Variants in DLGAP2 observed in about 807,000 individuals in gnomAD.
DLGAP2 encodes the protein DLG associated protein 2.
Under a neutral mutation model 100.3 loss-of-function variants are expected in DLGAP2, and 26 were observed. The observed-to-expected ratio is 0.26, with a 90% CI of 0.19 to 0.36. DLGAP2 has a LOEUF of 0.36. DLGAP2 is among the 10% of genes least tolerant of loss of function. DLGAP2 has a pLI of 1.00. For synonymous variants in DLGAP2, 886 were observed against 630.1 expected (o/e 1.41, Z -6.08); for missense variants, 1,858 against 1,453.2 (o/e 1.28, Z -4.53).
At chr8:1,007,241 C>T (rs917098296) in intron 2 of DLGAP2, among the ~76,000 whole-genome samples, 1 of 152,220 alleles carries the variant, frequency 6.6e-6, no homozygotes, top group African/African-American at 2.4e-5. Context: ...CAGTCCCACA[C>T]TCTTCACGTG....
At chr8:1,197,349 A>C (rs1453331100) in intron 2 of DLGAP2, among the ~76,000 whole-genome samples, 3 of 152,252 alleles carry the variant, frequency 2.0e-5, no homozygotes, top group African/African-American at 7.2e-5. Flanking sequence ...TCTTCTGCTC[A>C]GTACCTGAGC....
At chr8:1,547,276 C>T (rs1033071176) in intron 4 of DLGAP2, among the ~76,000 whole-genome samples, 5 of 152,142 alleles carry the variant, frequency 3.3e-5, no homozygotes, top group African/African-American at 9.7e-5. Context: ...AGGAAGGCAG[C>T]TGTGCCCGCA....
chr8:1,216,379 C>A lies in DLGAP2; in HGVS notation c.74-42472C>A, dbSNP rs182867687. On this transcript the variant is annotated intron_variant, in intron 2 of 14. Coordinates refer to ENST00000637795, the MANE Select transcript of DLGAP2 (RefSeq NM_001346810.2). ...TGTTTTTTTGTAAGGGGCAGGGTCT[C>A]ACTCTGTTGCCCAGGCTGGAGTGCA... 7.2e-5 allele frequency among the ~76,000 whole-genome samples: 11 copies of A among 152,202 alleles called. No homozygotes were observed. The East Asian group carries it at 1.7e-3, about 24-fold the overall frequency.
chr8:1,383,886 T>C (rs1398025478), intron 3 of DLGAP2, among the ~76,000 whole-genome samples: 1 of 152,160 alleles, frequency 6.6e-6, no homozygotes, highest in African/African-American at 2.4e-5. Flanking sequence ...GGCAGATGTC[T>C]TTGGCGGTGG....
intron 3 of DLGAP2, among the ~76,000 whole-genome samples, chr8:1,383,653 GC>G (rs1796145320): frequency 1.3e-5 from 2 of 152,316 alleles, no homozygotes; most frequent in South Asian, 2.1e-4. Context: ...AGTGGCTGGG[GC>G]TGGGACAGGT....
At chr8:1,429,518 A>T (rs375439268) in intron 3 of DLGAP2, among the ~76,000 whole-genome samples, 1 of 152,194 alleles carries the variant, frequency 6.6e-6, no homozygotes, top group Non-Finnish European at 1.5e-5. Context: ...ATGGTGTGTA[A>T]GCTGAAGATG....
At chr8:1,157,596 C>T (rs546472799) in intron 2 of DLGAP2, among the ~76,000 whole-genome samples, 49 of 152,202 alleles carry the variant, frequency 3.2e-4, no homozygotes, top group East Asian at 1.7e-3. Context: ...CCAACGGTGG[C>T]GCTGTGTTTG....
At chr8:770,669 C>T (rs1027971032) in intron 1 of DLGAP2, among the ~76,000 whole-genome samples, 1 of 152,112 alleles carries the variant, frequency 6.6e-6, no homozygotes, top group South Asian at 2.1e-4. Flanking sequence ...TCGTGCTGAC[C>T]TCCTGCTTCT....
intron 8 of DLGAP2, among the ~76,000 whole-genome samples, chr8:1,636,501 G>A (rs13261043): frequency 0.36 from 54,656 of 152,090 alleles, 13,078 homozygotes; most frequent in African/African-American, 0.69. Flanking sequence ...TAGAATAACT[G>A]TTTTTCAATA....
At chr8:1,173,887 C>T (rs1396311858) in intron 2 of DLGAP2, among the ~76,000 whole-genome samples, 2 of 152,246 alleles carry the variant, frequency 1.3e-5, no homozygotes, top group Non-Finnish European at 1.5e-5. Context: ...CACGCACCCA[C>T]TGACCTGCGC....
intron 3 of DLGAP2, among the ~76,000 whole-genome samples, chr8:1,367,849 G>C (rs1256239806): frequency 6.6e-6 from 1 of 152,142 alleles, no homozygotes; most frequent in Non-Finnish European, 1.5e-5. Flanking sequence ...CCTTTATCTA[G>C]ACATAAATCA....
intron 1 of DLGAP2, among the ~76,000 whole-genome samples, chr8:763,415 T>C (rs1163704821): frequency 5.3e-5 from 8 of 152,232 alleles, no homozygotes; most frequent in African/African-American, 1.7e-4. Flanking sequence ...GGAGCTTCAC[T>C]GTTGCTGCCG....
intron 6 of DLGAP2, among the ~76,000 whole-genome samples, chr8:1,577,964 A>C (rs1315490010): frequency 1.3e-5 from 2 of 152,236 alleles, no homozygotes; most frequent in African/African-American, 2.4e-5. Flanking sequence ...CATTAATGTA[A>C]TCTGATAACG....
intron 6 of DLGAP2, among the ~76,000 whole-genome samples, chr8:1,614,292 G>A (rs1002489047): frequency 2.6e-5 from 4 of 152,232 alleles, no homozygotes; most frequent in Admixed American, 6.5e-5. Context: ...GAGAACAGCC[G>A]TGGGGCCTCT....
chr8:1,520,928 G>A (rs1228908811), intron 4 of DLGAP2, among the ~76,000 whole-genome samples: 5 of 152,190 alleles, frequency 3.3e-5, no homozygotes, highest in Non-Finnish European at 7.3e-5. Flanking sequence ...AAGAAACCAC[G>A]AAACTGTCTT....
chr8:1,323,665 C>G (rs964243801), intron 3 of DLGAP2, among the ~76,000 whole-genome samples: 1 of 152,242 alleles, frequency 6.6e-6, no homozygotes, highest in African/African-American at 2.4e-5. Context: ...TTCTGGGCAG[C>G]TATCCTTAGC....
At chr8:1,165,739 C>T (rs1263145278) in intron 2 of DLGAP2, among the ~76,000 whole-genome samples, 1 of 152,020 alleles carries the variant, frequency 6.6e-6, no homozygotes, top group Admixed American at 6.5e-5. Flanking sequence ...AAGATTTGCT[C>T]TTTCAGTTTT....
At chr8:1,312,536 G>A (rs1229592277) in intron 3 of DLGAP2, among the ~76,000 whole-genome samples, 2 of 152,164 alleles carry the variant, frequency 1.3e-5, no homozygotes, top group African/African-American at 4.8e-5. Context: ...GGGGGCTTGG[G>A]GGAGAGGGAA....
rs141757041 is a variant in DLGAP2, at chr8:1,125,974, A to T, written c.74-132877A>T. Reference sequence around the variant, plus strand: ...CCCCATCCGCCCTTTCCTGTAAATAACACATTCATCTCCATGGACACTTCC... The same window carrying T: ...CCCCATCCGCCCTTTCCTGTAAATATCACATTCATCTCCATGGACACTTCC... On this transcript the variant is annotated intron_variant, in intron 2 of 14. Transcript: ENST00000637795. 3.7e-3 allele frequency among the ~76,000 whole-genome samples: 557 copies of T among 152,344 alleles called. 2 individuals are homozygous for T. The highest frequency in any genetic ancestry group is 0.013 in the African/African-American group (523 of 41,574).
Sources: gnomAD v4.1 joint callset for allele counts (sites outside exome capture counted in the v4.1 genomes callset) on GRCh38, gnomAD v4.1.1 for gene constraint, MANE v1.5 for transcripts, NCBI Gene and HGNC (gene_info 2026-07-23, HGNC 2026-07-21) for gene names.